GCN1: variants seen among roughly 807,000 people sequenced by gnomAD.
The protein encoded by GCN1 is stalled ribosome sensor GCN1.
Under a neutral mutation model 288.4 loss-of-function variants are expected in GCN1, and 90 were observed. The ratio of observed to expected loss-of-function variants is 0.31; its 90% confidence interval spans 0.26 to 0.37. The LOEUF (loss-of-function observed/expected upper bound fraction) is 0.37. GCN1 is among the 10% of genes least tolerant of loss of function. The pLI, the probability that GCN1 is intolerant of heterozygous loss-of-function variation, is 1.00. For synonymous variants in GCN1, 1,386 were observed against 1,420.2 expected (o/e 0.98, Z 0.54); for missense variants, 2,586 against 3,419.9 (o/e 0.76, Z 6.08).
Position 120,168,297 on chromosome 12 carries a change from G to A in GCN1, c.1523C>T (p.Ala508Val). ...CAACTGCCAGAAACTGCTCAGTTTG[G>A]CCTCTGCAAGAAACAAAAGGTTACC... ...KLSVADSQAE[A>V]KLSSFWQLIV... Residue 508 changes from alanine (A) to valine (V), a missense_variant, in exon 16 of 58, where the codon GCC (alanine) becomes GTC (valine). By Grantham distance (64) the Ala-to-Val change is moderately conservative. Around this residue, in one of 8 missense-constraint regions of GCN1, gnomAD observed 913 missense variants for 1,107.0 expected, o/e 0.82. Transcript: ENST00000300648. 6.3e-7 allele frequency: 1 copy of A among 1,591,124 alleles called. No individual in the cohort carries two copies. The highest frequency in any genetic ancestry group is 1.1e-5 in the South Asian group (1 of 90,602).
At chr12:120,143,279 C>A (rs888078627) in intron 42 of GCN1, among the ~76,000 whole-genome samples, 1 of 152,092 alleles carries the variant, frequency 6.6e-6, no homozygotes, top group Non-Finnish European at 1.5e-5. Context: ...CCAGGAGAGG[C>A]CTTAAAGGAT....
At chr12:120,138,644 A>G (rs1435171515) in intron 46 of GCN1, 51 bp downstream of exon 46, 5 of 1,564,010 alleles carry the variant, frequency 3.2e-6, no homozygotes, top group Non-Finnish European at 3.5e-6. Flanking sequence ...TTCCATCTAC[A>G]AAGACGGCAA....
intron 2 of GCN1, among the ~76,000 whole-genome samples, chr12:120,189,056 G>A (rs552055685): frequency 1.3e-5 from 2 of 152,068 alleles, no homozygotes; most frequent in East Asian, 1.9e-4. Context: ...GTGCAGGGAG[G>A]GGGGAAGAAG....
rs1876920582 is a variant in GCN1 at position 120,134,199 on chromosome 12, A to G, written c.7317+92T>C. On this transcript the variant is annotated intron_variant, in intron 53 of 57. Transcript: ENST00000300648. This position sits in a 1 kb window ranked among gnomAD's most constrained non-coding sequence, Gnocchi z 5.0. ...GGAATGCTTATTACTACTGAGCTGT[A>G]CTGGTTCTAACACAAAGTGAAGAAC... 2.5e-6 allele frequency: 2 copies of G among 793,776 alleles called. No homozygotes were observed. The highest frequency in any genetic ancestry group is 4.9e-5 in the East Asian group (2 of 40,646). 49.2% of individuals were successfully genotyped at this position (793,776 alleles called of 1,614,324 possible).
chr12:120,162,988 C>T lies in GCN1; in HGVS notation c.2039-17G>A, dbSNP rs572578046. The T allele has an allele frequency of 6.2e-7, 1 of 1,614,072 alleles. No individual in the cohort carries two copies. The highest frequency in any genetic ancestry group is 1.7e-5 in the Admixed American group (1 of 60,032). On this transcript the variant is annotated splice_polypyrimidine_tract_variant and intron_variant, in intron 19 of 57. Transcript: ENST00000300648. Reference sequence around the variant, plus strand: ...GCACGGCAACTGAAGGGGAAGGGAGCTCTTTGAGGCCTTCTGCCTGGCCTG... The same window carrying T: ...GCACGGCAACTGAAGGGGAAGGGAGTTCTTTGAGGCCTTCTGCCTGGCCTG...
In GCN1 at chr12:120,156,666, A is replaced by G; in HGVS notation, c.3169-62T>C. 1 of 1,545,412 alleles carries G rather than the reference A, an allele frequency of 6.5e-7. No individual in the cohort carries two copies. Among genetic ancestry groups the G allele is most frequent in the South Asian group, 1.1e-5 (1 of 87,712 alleles). On this transcript the variant is annotated intron_variant, in intron 27 of 57. Coordinates refer to ENST00000300648, the MANE Select transcript of GCN1 (RefSeq NM_006836.2). This position sits in a 1 kb window ranked among gnomAD's most constrained non-coding sequence, Gnocchi z 5.8. Reference sequence around the variant, plus strand: ...CTCATTTACTACTAGGGGGCCAGAGAGGGATATGCACTGAGAACACCCACC... The same window carrying G: ...CTCATTTACTACTAGGGGGCCAGAGGGGGATATGCACTGAGAACACCCACC...
intron 54 of GCN1, among the ~76,000 whole-genome samples, chr12:120,131,644 C>T (rs1449544064): frequency 3.9e-5 from 6 of 152,226 alleles, no homozygotes; most frequent in East Asian, 1.9e-4. Flanking sequence ...GACAGGGCCT[C>T]GCTCTGTCGC....
Position 120,147,034 on chromosome 12 carries a change from C to T in GCN1, c.4947+18G>A. On this transcript the variant is annotated intron_variant, in intron 38 of 57. Coordinates refer to ENST00000300648, the MANE Select transcript of GCN1 (RefSeq NM_006836.2). ...CATCTTCTGGTCTATCCCACACTAG[C>T]CTCAGCTGGGCCGCTACCTTCTGGT... 1 of 1,482,508 alleles carries T rather than the reference C, an allele frequency of 6.7e-7. No homozygotes were observed. The allele number at this position is 1,482,508 out of a possible 1,614,324, so 91.8% of individuals were successfully genotyped here. A position where few individuals can be genotyped will look rare whatever the true frequency, so the allele number is the denominator to read the frequency against.
intron 44 of GCN1, among the ~76,000 whole-genome samples, chr12:120,141,379 G>C (rs372745393): frequency 6.6e-6 from 1 of 151,952 alleles, no homozygotes; most frequent in South Asian, 2.1e-4. Flanking sequence ...CTGGAACAAA[G>C]CTTTAAGGAA....
intron 51 of GCN1, among the ~76,000 whole-genome samples, chr12:120,135,814 G>A (rs889558799): frequency 6.6e-6 from 1 of 152,084 alleles, no homozygotes; most frequent in Admixed American, 6.6e-5. Flanking sequence ...TGCGAGGTCA[G>A]GAGTTCGAGA....
At position 120,137,697 on chromosome 12, in the gene GCN1, C is replaced by T. The variant is rs1877055342; in HGVS notation, c.6511G>A (p.Ala2171Thr). Reference protein sequence around the residue: ...RSPEVGMRQAAAIILNIYCSR... With the variant: ...RSPEVGMRQATAIILNIYCSR... ...CAGTAGATGTTGAGGATGATGGCAG[C>T]AGCTTGCCTCATGCCCACCTCAGGG... The change falls in exon 49 of 58, where the codon GCT becomes ACT. Residue 2171 changes from alanine to threonine, a missense_variant. By Grantham distance (58) the Ala-to-Thr change is moderately conservative (BLOSUM62 0). Coordinates refer to ENST00000300648, the MANE Select transcript of GCN1 (RefSeq NM_006836.2). The surrounding 1 kb of genome is among the most constrained non-coding windows in gnomAD (Gnocchi z 5.2). 1.2e-6 allele frequency: 2 copies of T among 1,614,064 alleles called. No individual in the cohort carries two copies. The highest frequency in any genetic ancestry group is 1.7e-6 in the Non-Finnish European group (2 of 1,180,038).
Position 120,158,917 on chromosome 12 carries a change from A to G in GCN1, c.2750-302T>C, listed in dbSNP as rs895082949. 6.6e-6 allele frequency among the ~76,000 whole-genome samples: 1 copy of G among 151,728 alleles called. No homozygotes were observed. Among genetic ancestry groups the G allele is most frequent in the East Asian group, 1.9e-4 (1 of 5,162 alleles). Reference sequence around the variant, plus strand: ...GTCCCAGCTACTCAGGAGGCTCAAGAAGGAGAATGGCATGAACCCGGGAAG... The same window carrying G: ...GTCCCAGCTACTCAGGAGGCTCAAGGAGGAGAATGGCATGAACCCGGGAAG... On this transcript the variant is annotated intron_variant, in intron 24 of 57. Transcript: ENST00000300648. The surrounding 1 kb of genome is among the most constrained non-coding windows in gnomAD (Gnocchi z 4.3).
chr12:120,157,857 C>A lies in GCN1; in HGVS notation c.3079G>T (p.Val1027Leu), dbSNP rs1254834427. The change falls in exon 26 of 58, where the codon GTG becomes TTG. Residue 1027 changes from valine to leucine, a missense_variant. Physicochemically the swap from Val to Leu is conservative, Grantham distance 32. Around this residue, in one of 8 missense-constraint regions of GCN1, gnomAD observed 153 missense variants for 252.0 expected, o/e 0.61. Transcript: ENST00000300648. ...RASPNTPPGRVDENGPELLPR... is the reference protein window; with the variant it reads ...RASPNTPPGRLDENGPELLPR... ...AGAGCTTCCCTGCCAACCTCGTCCA[C>A]CCGCCCGGGTGGGGTGTTGGGGGAG... 1 of 1,613,388 alleles carries A rather than the reference C, an allele frequency of 6.2e-7. No homozygotes were observed. The highest frequency in any genetic ancestry group is 1.3e-5 in the African/African-American group (1 of 75,074).
At chr12:120,172,541 ACT>A (rs1176899203) in intron 14 of GCN1, among the ~76,000 whole-genome samples, 1 of 151,782 alleles carries the variant, frequency 6.6e-6, no homozygotes, top group African/African-American at 2.4e-5. Flanking sequence ...ACAGAGTATC[ACT>A]CTGTCACCCA....
chr12:120,140,946 C>T lies in GCN1; in HGVS notation c.5907G>A (p.Glu1969=). ...KILPEIIPIL[E]EGLRSQKSDE... is the part of the protein sequence containing the mutation. ...CGCTCTTCTGAGACCTCAGGCCTTC[C>T]TCAAGGATGGGGATGATCTCGGGGA... Residue 1969 remains glutamate, a synonymous_variant, in exon 45 of 58, where the codon GAG becomes GAA. Coordinates refer to ENST00000300648, the MANE Select transcript of GCN1 (RefSeq NM_006836.2). The T allele has an allele frequency of 6.2e-7, 1 of 1,614,080 alleles. No homozygotes were observed. The highest frequency in any genetic ancestry group is 1.1e-5 in the South Asian group (1 of 91,070).
intron 34 of GCN1, 126 bp downstream of exon 34, chr12:120,151,019 C>T (rs1033780394): frequency 3.7e-5 from 38 of 1,019,020 alleles, no homozygotes; most frequent in Middle Eastern, 4.4e-4. Context: ...TCGCACACAG[C>T]GGGGCCCTCT....
At chr12:120,128,128 G>A (rs1366844882) in intron 57 of GCN1, among the ~76,000 whole-genome samples, 154 bp from the exon 58 acceptor site, 1 of 152,252 alleles carries the variant, frequency 6.6e-6, no homozygotes, top group Non-Finnish European at 1.5e-5. Flanking sequence ...TCCAGGGAAA[G>A]CCAATGAAAA....
At chr12:120,161,359 G>GGGGCATCAGAGGAGTGTGCCAT (rs1349855857) in intron 22 of GCN1, 131 bp downstream of exon 22, 2 of 673,224 alleles carry the variant, frequency 3.0e-6, no homozygotes, top group Non-Finnish European at 5.4e-6. Context: ...ACACTGGTCA[G>GGGGCATCAGAGGAGTGTGCCAT]GGGCATCAGA....
chr12:120,137,230 C>G lies in GCN1; in HGVS notation c.6753G>C (p.Val2251=), dbSNP rs775989134. The G allele has an allele frequency of 1.2e-6, 2 of 1,614,074 alleles. No homozygotes were observed. The change falls in exon 50 of 58, where the codon GTG becomes GTC. Residue 2251 remains valine (V), a synonymous_variant. Coordinates refer to ENST00000300648, the MANE Select transcript of GCN1 (RefSeq NM_006836.2). The surrounding 1 kb of genome is among the most constrained non-coding windows in gnomAD (Gnocchi z 5.2). ...CCTTCTTCGGGAGGCAGAATCCTGG[C>G]ACATGCTCGCCTTTGCTCTCGTTCC... ...LIGNESKGEH[V]PGFCLPKKGV...
Sources: allele counts gnomAD v4.1 joint callset (sites outside exome capture counted in the v4.1 genomes callset), GRCh38; gene constraint gnomAD v4.1.1; regional missense constraint gnomAD v4.1.1; non-coding constraint Gnocchi (gnomAD v3.1); transcripts MANE v1.5; gene names NCBI Gene and HGNC (gene_info 2026-07-23, HGNC 2026-07-21).